Variants in CLVS1 observed in about 807,000 individuals in gnomAD.
CLVS1 encodes clavesin-1.
Under a neutral mutation model 33.1 loss-of-function variants are expected in CLVS1, and 10 were observed. The observed-to-expected ratio is 0.30, with a 90% CI of 0.19 to 0.51. The LOEUF (loss-of-function observed/expected upper bound fraction) is 0.51. Among genes scored for constraint, CLVS1 ranks in the 20% least tolerant of loss-of-function variants. The pLI is 0.97. For synonymous variants in CLVS1, 163 were observed against 166.1 expected (o/e 0.98, Z 0.14); for missense variants, 343 against 433.4 (o/e 0.79, Z 1.85).
At position 61,452,255 on chromosome 8, in the gene CLVS1, C is replaced by T. The variant is rs574377796; in HGVS notation, c.631-1886C>T. 6.4e-4 allele frequency among the ~76,000 whole-genome samples: 98 copies of T among 152,284 alleles called. 1 individual carries two copies. The highest frequency in any genetic ancestry group is 2.3e-3 in the African/African-American group (97 of 41,568). On this transcript the variant is annotated intron_variant, in intron 3 of 5. Transcript: ENST00000325897. ...GATATTTTAAAAGGTTAATATTTTG[C>T]AACTTTGCCTACTGTCAAGTATTAT...
intron 1 of CLVS1, among the ~76,000 whole-genome samples, chr8:61,099,847 A>C (rs190454917): frequency 6.6e-6 from 1 of 152,386 alleles, no homozygotes; most frequent in East Asian, 1.9e-4. Context: ...ATCCTCAGGC[A>C]AATTGTAATC....
the CLVS1 span, among the ~76,000 whole-genome samples, chr8:61,038,405 C>T: frequency 6.7e-6 from 1 of 150,294 alleles, no homozygotes; most frequent in African/African-American, 2.5e-5. Flanking sequence ...GTGAAATGTG[C>T]TCTAAAGCTT....
In CLVS1 at chr8:61,458,303, A is replaced by T; in HGVS notation, c.742-4A>T. 1.9e-6 allele frequency: 3 copies of T among 1,599,734 alleles called. No homozygotes were observed. The highest frequency in any genetic ancestry group is 1.7e-4 in the Middle Eastern group (1 of 5,978). ...TTGCTAATTACTTTTTGTTTTCTTT[A>T]CAGATTTTCCTGCATGGAAACAATT... On this transcript the variant is annotated splice_region_variant and splice_polypyrimidine_tract_variant and intron_variant, in intron 4 of 5. Coordinates refer to ENST00000325897, the MANE Select transcript of CLVS1 (RefSeq NM_173519.3).
At chr8:61,439,189 C>T (rs943375138) in intron 3 of CLVS1, among the ~76,000 whole-genome samples, 23 of 152,162 alleles carry the variant, frequency 1.5e-4, no homozygotes, top group African/African-American at 4.8e-4. Context: ...CTTCTGGCAT[C>T]GATTTCCTCT....
chr8:61,427,040 C>G (rs1815922575), intron 3 of CLVS1, among the ~76,000 whole-genome samples: 1 of 152,196 alleles, frequency 6.6e-6, no homozygotes, highest in East Asian at 1.9e-4. Flanking sequence ...AATCCAAATA[C>G]ACTTCAAGTA....
At chr8:61,385,440 T>A (rs1224070983) in intron 3 of CLVS1, among the ~76,000 whole-genome samples, 1 of 152,210 alleles carries the variant, frequency 6.6e-6, no homozygotes, top group African/African-American at 2.4e-5. Flanking sequence ...TTGGCATTCT[T>A]GAAGGGACTC....
chr8:61,052,059 G>A, the CLVS1 span, among the ~76,000 whole-genome samples: 2 of 152,216 alleles, frequency 1.3e-5, no homozygotes, highest in Non-Finnish European at 2.9e-5. Context: ...CATCAGTGAG[G>A]GGGACTCAGA....
At chr8:61,048,370 A>T in the CLVS1 span, among the ~76,000 whole-genome samples, 7 of 152,216 alleles carry the variant, frequency 4.6e-5, no homozygotes, top group Non-Finnish European at 8.8e-5. Context: ...AAGAATCATG[A>T]CACAGAATCC....
At chr8:61,032,078 C>T in the CLVS1 span, among the ~76,000 whole-genome samples, 2 of 152,184 alleles carry the variant, frequency 1.3e-5, no homozygotes, top group Admixed American at 1.3e-4. Flanking sequence ...AGTGTGGGAA[C>T]AGGTTGTACA....
chr8:61,433,686 T>A (rs1170744734), intron 3 of CLVS1, among the ~76,000 whole-genome samples: 1 of 151,924 alleles, frequency 6.6e-6, no homozygotes, highest in Non-Finnish European at 1.5e-5. Context: ...CTGACCAGGT[T>A]TGAAGGGCAA....
At chr8:61,153,528 T>C (rs1806585336) in intron 2 of CLVS1, among the ~76,000 whole-genome samples, 2 of 152,188 alleles carry the variant, frequency 1.3e-5, no homozygotes, top group Non-Finnish European at 2.9e-5. Context: ...CTTTGTTTTG[T>C]TTTTGGCATC....
rs368650556 is a variant in CLVS1, at chr8:61,292,713, A to G, written c.-152+4575A>G. ...TTCCAGTCTAATATTCTATGACTCA[A>G]CAATTATTTCCCTATATATTAACTT... On this transcript the variant is annotated intron_variant, in intron 1 of 5. Transcript: ENST00000325897. Among the ~76,000 whole-genome samples, 17 of 152,162 alleles carry G rather than the reference A, an allele frequency of 1.1e-4. No homozygotes were observed. The East Asian group carries it at 1.2e-3, about 10-fold the overall frequency.
intron 5 of CLVS1, among the ~76,000 whole-genome samples, chr8:61,497,365 G>A (rs1019551713): frequency 6.8e-6 from 1 of 147,160 alleles, no homozygotes; most frequent in East Asian, 2.2e-4. Flanking sequence ...AATTCTCTTA[G>A]CAATGATGTG....
chr8:61,427,516 G>A (rs1402233626), intron 3 of CLVS1, among the ~76,000 whole-genome samples: 1 of 152,196 alleles, frequency 6.6e-6, no homozygotes, highest in Non-Finnish European at 1.5e-5. Flanking sequence ...CAATACTGCA[G>A]TATTGGAATA....
chr8:61,262,054 T>G (rs1461101247), intron 2 of CLVS1, among the ~76,000 whole-genome samples: 2 of 151,388 alleles, frequency 1.3e-5, no homozygotes, highest in Non-Finnish European at 2.9e-5. Flanking sequence ...CTTCTTCTGT[T>G]GCTCAGGTTG....
intron 2 of CLVS1, among the ~76,000 whole-genome samples, chr8:61,242,361 G>T (rs1480788834): frequency 1.3e-5 from 2 of 151,936 alleles, no homozygotes; most frequent in Non-Finnish European, 2.9e-5. Flanking sequence ...TTCATTTTCA[G>T]ATTGAATTGT....
chr8:61,023,117 A>C, the CLVS1 span, among the ~76,000 whole-genome samples: 1 of 152,220 alleles, frequency 6.6e-6, no homozygotes, highest in African/African-American at 2.4e-5. Flanking sequence ...AATATTATAG[A>C]TAGTATTTGT....
At position 61,062,425 on chromosome 8, in the gene CLVS1, TACGTCAGTATAGAA is replaced by T. The variant is rs1200638381; in HGVS notation, c.-243+5197_-243+5210del. ...CAGTTTGCCAAAATGTTGATGTAAC[TACGTCAGTATAGAA>T]AACTTACTCCAGAGTTTCTCTACAG... On this transcript the variant is annotated intron_variant, in intron 1 of 2. Transcript: ENST00000522621. 3.3e-5 allele frequency among the ~76,000 whole-genome samples: 5 copies of T among 152,236 alleles called. 1 individual carries two copies.
At chr8:61,214,567 T>C (rs1407651766) in intron 2 of CLVS1, among the ~76,000 whole-genome samples, 2 of 152,174 alleles carry the variant, frequency 1.3e-5, no homozygotes, top group Non-Finnish European at 2.9e-5. Context: ...CTAAAGGCCA[T>C]GAAGAGAGGC....
Sources: allele counts gnomAD v4.1 joint callset (sites outside exome capture counted in the v4.1 genomes callset), GRCh38; gene constraint gnomAD v4.1.1; transcripts MANE v1.5; gene names NCBI Gene and HGNC (gene_info 2026-07-23, HGNC 2026-07-21).